The following KIN variants were observed in gnomAD, a reference collection of about 807,000 sequenced individuals.
The protein encoded by KIN is Kin17 DNA and RNA binding protein, also known as DNA/RNA-binding protein KIN17.
In KIN, 47 loss-of-function variants were observed where a neutral mutation model predicts 63.0. The observed-to-expected ratio is 0.75, with a 90% CI of 0.59 to 0.95. The LOEUF is 0.95. Among genes scored for constraint, KIN ranks in the 40% least tolerant of loss-of-function variants. The probability of loss-of-function intolerance (pLI) is 0.00; values close to 1 mark genes in which losing one functional copy is unlikely to be tolerated. For synonymous variants in KIN, 160 were observed against 157.7 expected (o/e 1.01, Z -0.11); for missense variants, 408 against 460.9 (o/e 0.89, Z 1.05).
intron 12 of KIN, among the ~76,000 whole-genome samples, chr10:7,758,943 AAAG>A (rs1337611438): frequency 6.6e-6 from 1 of 152,148 alleles, no homozygotes; most frequent in Admixed American, 6.5e-5. Flanking sequence ...AGAAAAAAAA[AAAG>A]GAGAAAAGCT....
At position 7,753,425 on chromosome 10, in the gene KIN, G is replaced by T. The variant is rs1228986210; in HGVS notation, c.*2655C>A. The T allele has an allele frequency of 6.6e-6, 1 of 152,160 alleles. No individual in the cohort carries two copies. The highest frequency in any genetic ancestry group is 1.9e-4 in the East Asian group (1 of 5,192). The allele number at this position is 152,160 out of a possible 1,614,324, so 9.4% of individuals were successfully genotyped here. On this transcript the variant is annotated 3_prime_UTR_variant, in exon 13 of 13. Transcript: ENST00000379562. ...TTTTACTCATCACTATTTGTTATCAGGGAGAACCATTCTCCTTTTTGAAAT... is the reference window on the plus strand; with the variant it reads ...TTTTACTCATCACTATTTGTTATCATGGAGAACCATTCTCCTTTTTGAAAT...
chr10:7,769,485 C>T, intron 7 of KIN, 140 bp from the exon 8 acceptor site: 1 of 801,128 alleles, frequency 1.2e-6, no homozygotes, highest in South Asian at 1.7e-5. Context: ...AGTCCCTGTC[C>T]ACATCTCTTA....
intron 11 of KIN, chr10:7,761,235 A>G (rs1835429901): frequency 6.6e-6 from 1 of 152,194 alleles, no homozygotes; most frequent in Non-Finnish European, 1.5e-5. Flanking sequence ...TTTTACCACA[A>G]TAAAGCTAAC....
rs1295501854 is a variant in KIN at position 7,766,229 on chromosome 10, A to G, written c.799-126T>C. The G allele has an allele frequency of 1.1e-5, 6 of 549,962 alleles. No homozygotes were observed. In the East Asian group the frequency reaches 1.9e-4, roughly 17 times the overall value. The allele number at this position is 549,962 out of a possible 1,614,324, so 34.1% of individuals were successfully genotyped here. On this transcript the variant is annotated intron_variant, in intron 8 of 12. Coordinates refer to ENST00000379562, the MANE Select transcript of KIN (RefSeq NM_012311.4). ...CTCTACTTCACAGAAGACCAATGAC[A>G]TAATTTGCGAGCTCTGATAAATACA...
At chr10:7,760,750 G>C (rs7074547) in intron 11 of KIN, among the ~76,000 whole-genome samples, 51,021 of 151,884 alleles carry the variant, frequency 0.34, 9,543 homozygotes, top group Non-Finnish European at 0.42. Context: ...CTTTATTATA[G>C]ATATGTATGT....
At chr10:7,764,212 C>A (rs1398181354) in intron 9 of KIN, among the ~76,000 whole-genome samples, 4 of 152,150 alleles carry the variant, frequency 2.6e-5, no homozygotes, top group Non-Finnish European at 5.9e-5. Flanking sequence ...CTGGAAATTG[C>A]AAGGCACTGA....
chr10:7,759,812 A>G (rs1835403106), intron 12 of KIN, 78 bp downstream of exon 12: 1 of 752,000 alleles, frequency 1.3e-6, no homozygotes, highest in Non-Finnish European at 2.3e-6. Flanking sequence ...TCTAAAATAA[A>G]GAACAATCCA....
intron 12 of KIN, among the ~76,000 whole-genome samples, chr10:7,756,713 TG>T (rs1835339240): frequency 1.3e-5 from 2 of 152,048 alleles, no homozygotes; most frequent in South Asian, 4.2e-4. Flanking sequence ...ACCATGTTTG[TG>T]CCATTGTCCA....
intron 12 of KIN, among the ~76,000 whole-genome samples, chr10:7,758,085 T>C (rs1370990807): frequency 1.3e-5 from 2 of 151,440 alleles, no homozygotes; most frequent in Admixed American, 1.3e-4. Flanking sequence ...TCCCTTTTTT[T>C]TTTTTTTTGA....
chr10:7,785,872 T>C (rs115540401), intron 1 of KIN, among the ~76,000 whole-genome samples: 3,052 of 151,308 alleles, frequency 0.02, 111 homozygotes, highest in African/African-American at 0.068. Context: ...AAATTCAGAA[T>C]ATAGAGAAAA....
chr10:7,774,845 T>C lies in KIN; in HGVS notation c.654A>G (p.Thr218=), dbSNP rs745680177. 3.8e-5 allele frequency: 62 copies of C among 1,613,262 alleles called. No individual in the cohort carries two copies. The highest frequency in any genetic ancestry group is 4.7e-5 in the Non-Finnish European group (55 of 1,179,378). ...SKGACSSSGA[T]SSKSSTLGPS... Reference sequence around the variant, plus strand: ...ATGCAGCTCACCTTGACTTGGAAGATGTTGCTCCGGATGAGCTACATGCTC... The same window carrying C: ...ATGCAGCTCACCTTGACTTGGAAGACGTTGCTCCGGATGAGCTACATGCTC... Residue 218 remains threonine (T), a synonymous_variant, in exon 7 of 13, where the codon ACA becomes ACG. Coordinates refer to ENST00000379562, the MANE Select transcript of KIN (RefSeq NM_012311.4).
chr10:7,777,374 G>A (rs1835801029), intron 5 of KIN, among the ~76,000 whole-genome samples: 2 of 151,802 alleles, frequency 1.3e-5, no homozygotes, highest in Admixed American at 1.3e-4. Flanking sequence ...AAACCCTCTG[G>A]GATACTAGAA....
intron 5 of KIN, among the ~76,000 whole-genome samples, chr10:7,776,893 A>G (rs1325931163): frequency 6.7e-6 from 1 of 150,216 alleles, no homozygotes; most frequent in Non-Finnish European, 1.5e-5. Flanking sequence ...CCCCATCTCT[A>G]TTAAAAAAAA....
intron 1 of KIN, among the ~76,000 whole-genome samples, chr10:7,783,648 T>G (rs1371535031): frequency 6.6e-6 from 1 of 152,204 alleles, no homozygotes; most frequent in Non-Finnish European, 1.5e-5. Context: ...ATATTAACCT[T>G]GTTAAACATA....
chr10:7,783,817 G>A (rs1236923442), intron 1 of KIN, among the ~76,000 whole-genome samples: 3 of 151,812 alleles, frequency 2.0e-5, no homozygotes, highest in Non-Finnish European at 2.9e-5. Context: ...AAGCACCCAA[G>A]CCATGAAACC....
At chr10:7,775,093 C>T (rs1388165193) in intron 6 of KIN, among the ~76,000 whole-genome samples, 1 of 152,148 alleles carries the variant, frequency 6.6e-6, no homozygotes, top group East Asian at 1.9e-4. Flanking sequence ...ACTTGCACAC[C>T]GTGTCACCGT....
rs756688749 is a variant in KIN at position 7,763,740 on chromosome 10, T to A, written c.901A>T (p.Lys301Ter). 1 of 1,486,756 alleles carries A rather than the reference T, an allele frequency of 6.7e-7. No individual in the cohort carries two copies. The highest frequency in any genetic ancestry group is 9.3e-7 in the Non-Finnish European group (1 of 1,077,074). 92.1% of individuals were successfully genotyped at this position (1,486,756 alleles called of 1,614,324 possible). A position where few individuals can be genotyped will look rare whatever the true frequency, so the allele number is the denominator to read the frequency against. ...TKKLGEKYHKKKAIVKEVIDK... is the reference protein window; with the variant it reads ...TKKLGEKYHK ...GTCCTTACCTTAACAATAGCCTTTT[T>A]CTTATGATATTTCTCTCCCAGTTTC... Residue 301 changes from lysine to a stop codon, truncating the protein, a stop_gained, in exon 10 of 13, where the codon AAA becomes TAA. Coordinates refer to ENST00000379562, the MANE Select transcript of KIN (RefSeq NM_012311.4). LOFTEE classifies it high-confidence loss of function.
At chr10:7,781,456 A>G (rs576849683) in intron 2 of KIN, among the ~76,000 whole-genome samples, 1 of 152,260 alleles carries the variant, frequency 6.6e-6, no homozygotes, top group Non-Finnish European at 1.5e-5. Context: ...GAAAAGCATT[A>G]AATAATTTTG....
intron 12 of KIN, among the ~76,000 whole-genome samples, chr10:7,756,500 G>A (rs191448508): frequency 7.2e-5 from 11 of 152,250 alleles, no homozygotes; most frequent in South Asian, 2.1e-4. Context: ...CAGAAGTGAC[G>A]GTCCAGACGT....
Sources: gnomAD v4.1 joint callset for allele counts (sites outside exome capture counted in the v4.1 genomes callset) on GRCh38, gnomAD v4.1.1 for gene constraint, MANE v1.5 for transcripts, NCBI Gene and HGNC (gene_info 2026-07-23, HGNC 2026-07-21) for gene names.